The following MGAT4C variants were observed in gnomAD, a reference collection of about 807,000 sequenced individuals.
MGAT4C encodes the protein MGAT4 family member C.
In MGAT4C, 19 loss-of-function variants were observed where a neutral mutation model predicts 40.1. The ratio of observed to expected loss-of-function variants is 0.47; its 90% CI spans 0.33 to 0.70. The LOEUF is 0.70. Among genes scored for constraint, MGAT4C ranks in the 30% least tolerant of loss-of-function variants. The pLI, the probability that MGAT4C is intolerant of heterozygous loss-of-function variation, is 0.02. For synonymous variants in MGAT4C, 181 were observed against 187.1 expected (o/e 0.97, Z 0.27); for missense variants, 491 against 563.2 (o/e 0.87, Z 1.30).
chr12:86,649,596 A>C (rs10431417), intron 2 of MGAT4C, among the ~76,000 whole-genome samples: 1 of 151,780 alleles, frequency 6.6e-6, no homozygotes, highest in East Asian at 1.9e-4. Context: ...TTGTAAGCCC[A>C]CTTGACAACA....
intron 3 of MGAT4C, among the ~76,000 whole-genome samples, chr12:86,415,546 G>A (rs1186851325): frequency 6.6e-6 from 1 of 151,926 alleles, no homozygotes; most frequent in Non-Finnish European, 1.5e-5. Flanking sequence ...GTCAATCTAA[G>A]TTTGAGGATT....
intron 2 of MGAT4C, among the ~76,000 whole-genome samples, chr12:86,718,527 G>T (rs1000771470): frequency 1.3e-5 from 2 of 152,126 alleles, no homozygotes; most frequent in African/African-American, 2.4e-5. Flanking sequence ...AGTAGAGGCT[G>T]CATGGACATC....
chr12:86,358,990 A>C (rs1955386635), intron 3 of MGAT4C, among the ~76,000 whole-genome samples: 1 of 152,232 alleles, frequency 6.6e-6, no homozygotes, highest in South Asian at 2.1e-4. Flanking sequence ...ATAGACATCT[A>C]CAGAACTCTC....
intron 2 of MGAT4C, among the ~76,000 whole-genome samples, chr12:86,509,002 T>G (rs547396489): frequency 1.3e-5 from 2 of 152,106 alleles, no homozygotes; most frequent in Admixed American, 6.5e-5. Context: ...TTCTCCCATT[T>G]TGTAGGTTGT....
rs906418247 is a variant in MGAT4C at position 86,538,313 on chromosome 12, C to T, written c.-228-103048G>A. ...GGAGAAACATAAGCATTTTGAGAAA[C>T]ATTATTCTCAAGTTGGCAGGGATCC... is the stretch of plus-strand genomic sequence containing the variant. On this transcript the variant is annotated intron_variant, in intron 2 of 7. Coordinates refer to the MGAT4C transcript ENST00000548651. Among the ~76,000 whole-genome samples, 4 of 152,192 alleles carry T rather than the reference C, an allele frequency of 2.6e-5. No homozygotes were observed. In the East Asian group the frequency reaches 7.8e-4, roughly 30 times the overall value.
chr12:86,254,215 TAAA>T (rs1054603098), intron 1 of MGAT4C, among the ~76,000 whole-genome samples: 1 of 151,932 alleles, frequency 6.6e-6, no homozygotes, highest in Non-Finnish European at 1.5e-5. Flanking sequence ...TCTCTTAAAT[TAAA>T]AATAATAATA....
chr12:86,584,471 A>G (rs1419286673), intron 2 of MGAT4C, among the ~76,000 whole-genome samples: 3 of 151,042 alleles, frequency 2.0e-5, no homozygotes, highest in Non-Finnish European at 3.0e-5. Context: ...TGCTCTTTTA[A>G]CTTAACAATA....
At chr12:86,810,686 C>A (rs1397395492) in intron 1 of MGAT4C, among the ~76,000 whole-genome samples, 1 of 151,476 alleles carries the variant, frequency 6.6e-6, no homozygotes, top group Admixed American at 6.6e-5. Flanking sequence ...CCCACTTGAT[C>A]ATGGCCTATA....
chr12:86,179,877 G>C lies in MGAT4C; in HGVS notation c.-57+76362C>G, dbSNP rs534930186. On this transcript the variant is annotated intron_variant, in intron 1 of 4. Transcript: ENST00000611864. ...AAAAGAAAAATCCATTTTTTGAGGAGAATTTCAAGCTGGCTGCAGAAATTT... is the reference window on the plus strand; with the variant it reads ...AAAAGAAAAATCCATTTTTTGAGGACAATTTCAAGCTGGCTGCAGAAATTT... Among the ~76,000 whole-genome samples the C allele has an allele frequency of 1.0e-3, 157 of 152,308 alleles. 1 individual carries two copies. The highest frequency in any genetic ancestry group is 1.8e-3 in the Non-Finnish European group (122 of 68,030).
At chr12:86,606,178 G>C (rs1962038017) in intron 2 of MGAT4C, among the ~76,000 whole-genome samples, 1 of 152,028 alleles carries the variant, frequency 6.6e-6, no homozygotes, top group Non-Finnish European at 1.5e-5. Flanking sequence ...TCTATTTTTT[G>C]ACGCATGGGG....
At chr12:86,789,675 C>T (rs971812170) in intron 1 of MGAT4C, among the ~76,000 whole-genome samples, 5 of 151,924 alleles carry the variant, frequency 3.3e-5, no homozygotes, top group South Asian at 2.1e-4. Context: ...CTGTAATAAT[C>T]GAGATGACAT....
intron 2 of MGAT4C, among the ~76,000 whole-genome samples, chr12:86,440,300 C>A (rs1202812552): frequency 1.3e-5 from 2 of 152,012 alleles, no homozygotes; most frequent in African/African-American, 4.8e-5. Flanking sequence ...GGGTTTCATT[C>A]CAGGGATACA....
chr12:86,292,781 T>A lies in MGAT4C; in HGVS notation c.-57+41284A>T, dbSNP rs12099863. Among the ~76,000 whole-genome samples the A allele has an allele frequency of 3.8e-3, 572 of 151,970 alleles. 3 individuals are homozygous for A. The highest frequency in any genetic ancestry group is 0.013 in the African/African-American group (557 of 41,482). On this transcript the variant is annotated intron_variant, in intron 4 of 7. Transcript: ENST00000548651. The stretch of plus-strand genomic sequence containing the variant: ...AGTCTCCTGACAGAAGAAAATAAAA[T>A]CGCTGTTGTGAGTTATTTATTATTA...
chr12:86,158,386 A>G (rs1376567428), intron 1 of MGAT4C, among the ~76,000 whole-genome samples: 1 of 152,216 alleles, frequency 6.6e-6, no homozygotes, highest in African/African-American at 2.4e-5. Context: ...ATTAAAATAA[A>G]GCAAATCAAG....
intron 1 of MGAT4C, among the ~76,000 whole-genome samples, chr12:86,756,298 T>C (rs559933989): frequency 6.6e-6 from 1 of 152,234 alleles, no homozygotes; most frequent in African/African-American, 2.4e-5. Flanking sequence ...TATCTCTTCT[T>C]ATAAAGGAAC....
At chr12:86,606,044 G>A (rs1962031306) in intron 2 of MGAT4C, among the ~76,000 whole-genome samples, 1 of 152,072 alleles carries the variant, frequency 6.6e-6, no homozygotes, top group African/African-American at 2.4e-5. Context: ...CAAGGCTGCA[G>A]GAAGGAGAAG....
chr12:86,700,787 G>A (rs1195418273), intron 2 of MGAT4C, among the ~76,000 whole-genome samples: 1 of 152,052 alleles, frequency 6.6e-6, no homozygotes, highest in Non-Finnish European at 1.5e-5. Flanking sequence ...ATATTGCTTA[G>A]TACATTGTAC....
rs757911586 is a variant in MGAT4C, at chr12:86,534,406, A to G, written c.-228-99141T>C. Among the ~76,000 whole-genome samples the G allele has an allele frequency of 4.6e-5, 7 of 152,084 alleles. 1 individual carries two copies. The highest frequency in any genetic ancestry group is 8.8e-5 in the Non-Finnish European group (6 of 67,990). ...CTGAACTAATGTATACCTTACATGT[A>G]TTGATTGATGTCTGCCTGTAACTTC... On this transcript the variant is annotated intron_variant, in intron 2 of 7. Transcript: ENST00000548651.
At chr12:86,111,991 T>A (rs543141227) in intron 1 of MGAT4C, among the ~76,000 whole-genome samples, 2 of 151,848 alleles carry the variant, frequency 1.3e-5, no homozygotes, top group Non-Finnish European at 2.9e-5. Flanking sequence ...CAAATATGTA[T>A]GTACATGTGT....
Sources: gnomAD v4.1 joint callset for allele counts (sites outside exome capture counted in the v4.1 genomes callset) on GRCh38, gnomAD v4.1.1 for gene constraint, MANE v1.5 for transcripts, NCBI Gene and HGNC (gene_info 2026-07-23, HGNC 2026-07-21) for gene names.